The following ELP4 variants were observed in gnomAD, a reference collection of about 807,000 sequenced individuals.
ELP4 encodes elongator complex protein 4.
ELP4 carries 51 observed loss-of-function variants against 48.9 expected under a neutral mutation model. That is an observed-to-expected ratio of 1.04 (90% CI 0.83 to 1.32). ELP4 has a LOEUF of 1.32. Ranked by LOEUF, ELP4 falls within the 40% of genes most tolerant of loss-of-function variation. The pLI is 0.00. For missense variants in ELP4, 519 were observed against 514.6 expected (o/e 1.01, Z -0.08); for synonymous variants, 210 against 189.2 (o/e 1.11, Z -0.90).
chr11:31,759,997 G>C (rs1947912036), intron 9 of ELP4, among the ~76,000 whole-genome samples: 2 of 152,086 alleles, frequency 1.3e-5, no homozygotes, highest in Admixed American at 1.3e-4. Flanking sequence ...AGCCACTATG[G>C]TCGGTCAGTG....
At chr11:31,539,875 A>G (rs1956565193) in intron 3 of ELP4, 92 bp downstream of exon 3, 1 of 1,063,908 alleles carries the variant, frequency 9.4e-7, no homozygotes, top group African/African-American at 1.6e-5. Flanking sequence ...TTGTATATAT[A>G]CAAACTATAT....
chr11:31,755,287 A>G (rs538109459), intron 9 of ELP4, among the ~76,000 whole-genome samples: 13 of 152,248 alleles, frequency 8.5e-5, no homozygotes, highest in African/African-American at 1.7e-4. Context: ...GAGAATTGCT[A>G]TTAGGCAGAT....
chr11:31,637,250 G>C (rs1012409209), intron 7 of ELP4: 1 of 151,654 alleles, frequency 6.6e-6, no homozygotes, highest in Non-Finnish European at 1.5e-5. Flanking sequence ...GAGGACAGCC[G>C]AACATGTGGT....
chr11:31,758,040 A>T (rs1321895221), intron 9 of ELP4, among the ~76,000 whole-genome samples: 8 of 152,200 alleles, frequency 5.3e-5, no homozygotes, highest in Admixed American at 4.6e-4. Flanking sequence ...CCTGATCATT[A>T]TAATTTTCTA....
chr11:31,529,541 T>C (rs767714405), intron 2 of ELP4, among the ~76,000 whole-genome samples: 1 of 152,194 alleles, frequency 6.6e-6, no homozygotes, highest in Non-Finnish European at 1.5e-5. Context: ...GACATTCCTG[T>C]TTCCCAGCCA....
At chr11:31,577,875 A>T (rs1446079377) in intron 3 of ELP4, among the ~76,000 whole-genome samples, 2 of 152,202 alleles carry the variant, frequency 1.3e-5, no homozygotes, top group Non-Finnish European at 2.9e-5. Flanking sequence ...TTCCCTTTGA[A>T]AACTGGCACA....
chr11:31,739,677 G>A (rs1947404008), intron 9 of ELP4, among the ~76,000 whole-genome samples: 1 of 152,030 alleles, frequency 6.6e-6, no homozygotes, highest in South Asian at 2.1e-4. Context: ...AGTTTTAAAA[G>A]ACCAAGTTTA....
At chr11:31,667,160 C>A (rs1295850359) in intron 9 of ELP4, among the ~76,000 whole-genome samples, 1 of 152,146 alleles carries the variant, frequency 6.6e-6, no homozygotes, top group Non-Finnish European at 1.5e-5. Context: ...AATGTGATCC[C>A]ACCTGAAGAT....
At chr11:31,533,284 G>T (rs1355574305) in intron 2 of ELP4, among the ~76,000 whole-genome samples, 1 of 150,604 alleles carries the variant, frequency 6.6e-6, no homozygotes, top group Non-Finnish European at 1.5e-5. Context: ...AAAACGTGTG[G>T]TATTTGGTTT....
chr11:31,635,126 AT>A (rs1944946717), intron 7 of ELP4, among the ~76,000 whole-genome samples: 1 of 152,036 alleles, frequency 6.6e-6, no homozygotes, highest in African/African-American at 2.4e-5. Context: ...ACCCATCATT[AT>A]ATAAATATGA....
intron 9 of ELP4, among the ~76,000 whole-genome samples, chr11:31,673,043 G>T (rs1294560806): frequency 6.6e-6 from 1 of 152,002 alleles, no homozygotes; most frequent in Non-Finnish European, 1.5e-5. Flanking sequence ...TTGAGATGGA[G>T]TCTCCCTCTG....
intron 3 of ELP4, among the ~76,000 whole-genome samples, chr11:31,546,717 T>C (rs1485193708): frequency 6.6e-6 from 1 of 151,748 alleles, no homozygotes; most frequent in Non-Finnish European, 1.5e-5. Flanking sequence ...TATTCCAAAA[T>C]TGACCACATA....
At chr11:31,674,408 A>C (rs897805615) in intron 9 of ELP4, among the ~76,000 whole-genome samples, 2 of 152,226 alleles carry the variant, frequency 1.3e-5, no homozygotes, top group Non-Finnish European at 2.9e-5. Context: ...TGGCCACTTA[A>C]TAGAAAAACC....
intron 9 of ELP4, among the ~76,000 whole-genome samples, chr11:31,726,686 A>G (rs748654150): frequency 2.4e-4 from 36 of 152,196 alleles, no homozygotes; most frequent in Non-Finnish European, 4.9e-4. Context: ...CTAATGGAAA[A>G]GAAAACACCA....
chr11:31,763,630 GAT>G, intron 9 of ELP4: 2 of 1,406,490 alleles, frequency 1.4e-6, no homozygotes, highest in Non-Finnish European at 1.9e-6. Flanking sequence ...GTTAAGGGAT[GAT>G]AGTTTAAGGT....
chr11:31,529,335 TCCTG>T (rs918083050), intron 2 of ELP4, among the ~76,000 whole-genome samples: 2 of 152,110 alleles, frequency 1.3e-5, no homozygotes, highest in African/African-American at 4.8e-5. Flanking sequence ...GTCAGCCACC[TCCTG>T]GCAGGCCCAA....
chr11:31,603,837 A>T lies in ELP4; in HGVS notation c.583A>T (p.Ile195Phe). The part of the protein sequence containing the change: ...DASKRMPQEL[I>F]EASNWHGFFL... ...ATCAAAAAGAATGCCACAAGAACTA[A>T]TTGAGGCTTCAAATTGGCATGGATT... The change falls in exon 5 of 10, where the codon ATT (isoleucine) becomes TTT (phenylalanine). Residue 195 changes from isoleucine to phenylalanine, a missense_variant. By Grantham distance (21) the Ile-to-Phe change is conservative. Coordinates refer to ENST00000640961, the MANE Select transcript of ELP4 (RefSeq NM_019040.5). 6.2e-7 allele frequency: 1 copy of T among 1,611,378 alleles called. No individual in the cohort carries two copies. The highest frequency in any genetic ancestry group is 1.3e-5 in the African/African-American group (1 of 74,956).
intron 9 of ELP4, among the ~76,000 whole-genome samples, chr11:31,744,631 A>G (rs1436590004): frequency 2.6e-5 from 4 of 152,348 alleles, no homozygotes; most frequent in African/African-American, 7.2e-5. Flanking sequence ...AGAACCAAAG[A>G]CAAAAACCAC....
At chr11:31,747,271 A>G (rs1947616421) in intron 9 of ELP4, among the ~76,000 whole-genome samples, 1 of 152,168 alleles carries the variant, frequency 6.6e-6, no homozygotes, top group Non-Finnish European at 1.5e-5. Context: ...ATTAGAGAGT[A>G]TGAGATCTGG....
Sources: allele counts gnomAD v4.1 joint callset (sites outside exome capture counted in the v4.1 genomes callset), GRCh38; gene constraint gnomAD v4.1.1; transcripts MANE v1.5; gene names NCBI Gene and HGNC (gene_info 2026-07-23, HGNC 2026-07-21).